IL3RA: variants seen among roughly 807,000 people sequenced by gnomAD.
IL3RA encodes interleukin 3 receptor subunit alpha.
Under a neutral mutation model 52.3 loss-of-function variants are expected in IL3RA, and 73 were observed. That is an observed-to-expected ratio of 1.40 (90% CI 1.16 to 1.70). The LOEUF (loss-of-function observed/expected upper bound fraction) is 1.70. Among genes scored for constraint, IL3RA ranks in the 40% most tolerant of loss-of-function variants. IL3RA has a pLI of 0.00. For missense variants in IL3RA, 664 were observed against 504.4 expected (o/e 1.32, Z -3.03); for synonymous variants, 260 against 194.0 (o/e 1.34, Z -2.83).
rs1304078700 is a variant in IL3RA, at chrX:1,356,329, T to C, written c.725T>C (p.Ile242Thr). The C allele has an allele frequency of 1.9e-6, 3 of 1,607,972 alleles. No homozygotes were observed. The highest frequency in any genetic ancestry group is 3.3e-5 in the Admixed American group (2 of 59,900). Reference protein sequence around the residue: ...FNRKFRYELQIQKRMQPVITE... With the variant: ...FNRKFRYELQTQKRMQPVITE... ...CGCAAATTTCGCTATGAGCTTCAGATACAAAAGGTAAACTTTCACCCCGCC... is the reference window on the plus strand; with the variant it reads ...CGCAAATTTCGCTATGAGCTTCAGACACAAAAGGTAAACTTTCACCCCGCC... Residue 242 changes from isoleucine (I) to threonine (T), a missense_variant, in exon 7 of 12, where the codon ATA becomes ACA. Ile to Thr is a moderately conservative substitution (Grantham distance 89). Coordinates refer to ENST00000331035, the MANE Select transcript of IL3RA (RefSeq NM_002183.4).
intron 6 of IL3RA, 91 bp downstream of exon 6, chrX:1,352,597 C>T: frequency 1.5e-6 from 2 of 1,326,096 alleles, no homozygotes; most frequent in Non-Finnish European, 1.0e-6. Context: ...ACGTGGCTCC[C>T]AACGCAGACG....
At chrX:1,367,570 T>TGA (rs1222490113) in intron 9 of IL3RA, among the ~76,000 whole-genome samples, 10 of 90,414 alleles carry the variant, frequency 1.1e-4, no homozygotes, top group East Asian at 3.7e-4. Flanking sequence ...GTGCGCCGGG[T>TGA]GCGCGGGGTG....
chrX:1,348,692 T>TTCTTTCTTTCTTTCTTTCTTTC (rs1401190803), intron 4 of IL3RA, 147 bp downstream of exon 4: 1 of 278,194 alleles, frequency 3.6e-6, no homozygotes, highest in Non-Finnish European at 7.0e-6. Flanking sequence ...CTTTCTTTCT[T>TTCTTTCTTTCTTTCTTTCTTTC]TTTCTTTCTT....
intron 2 of IL3RA, among the ~76,000 whole-genome samples, chrX:1,344,055 A>T (rs1344871500): frequency 6.6e-6 from 1 of 151,872 alleles, no homozygotes; most frequent in South Asian, 2.1e-4. Context: ...TGGCCTCCCA[A>T]AGTGCTGGGA....
chrX:1,341,539 C>T (rs1466872569), intron 1 of IL3RA, among the ~76,000 whole-genome samples, 189 bp from the exon 2 acceptor site: 5 of 31,910 alleles, frequency 1.6e-4, no homozygotes, highest in Admixed American at 1.3e-3. Flanking sequence ...TAGAAGCACA[C>T]TCTGATGTGC....
At chrX:1,344,889 G>A (rs2085663460) in intron 2 of IL3RA, among the ~76,000 whole-genome samples, 1 of 145,698 alleles carries the variant, frequency 6.9e-6, no homozygotes, top group Non-Finnish European at 1.5e-5. Flanking sequence ...TTGACCTGGT[G>A]CGGTGGCTCA....
chrX:1,358,784 A>C, intron 7 of IL3RA, 77 bp from the exon 8 acceptor site: 3 of 1,541,328 alleles, frequency 1.9e-6, no homozygotes, highest in Non-Finnish European at 2.7e-6. Context: ...TCCTGGAGGG[A>C]GAAATTTGAG....
chrX:1,355,692 G>A (rs1921883633), intron 6 of IL3RA, among the ~76,000 whole-genome samples: 1 of 151,974 alleles, frequency 6.6e-6, no homozygotes, highest in Non-Finnish European at 1.5e-5. Flanking sequence ...CAGGGGCCAG[G>A]AAGTGGAAGC....
chrX:1,357,011 G>A (rs6645231), intron 7 of IL3RA, among the ~76,000 whole-genome samples: 114,720 of 151,796 alleles, frequency 0.76, 44,150 homozygotes, highest in African/African-American at 0.87. Context: ...GAGTGCAGTG[G>A]CTTAAATCTT....
chrX:1,368,127 T>C (rs17884593), intron 9 of IL3RA, among the ~76,000 whole-genome samples: 2,695 of 152,106 alleles, frequency 0.018, 75 homozygotes, highest in African/African-American at 0.061. Context: ...GGCGTGGTGA[T>C]GGGCGCCTGT....
At chrX:1,364,775 G>A (rs1293307548) in intron 8 of IL3RA, among the ~76,000 whole-genome samples, 2 of 145,342 alleles carry the variant, frequency 1.4e-5, no homozygotes, top group African/African-American at 4.9e-5. Context: ...GTAGCACCCA[G>A]CCCCTCTTTT....
Position 1,382,627 on chromosome X carries a change from GGAA to G in IL3RA, c.*169_*171del, listed in dbSNP as rs766176581. 606 of 676,080 alleles carry G rather than the reference GGAA, an allele frequency of 9.0e-4. 6 individuals carry two copies. The East Asian group carries it at 0.012, about 13-fold the overall frequency. 41.9% of individuals were successfully genotyped at this position (676,080 alleles called of 1,614,324 possible). A position where few individuals can be genotyped will look rare whatever the true frequency, so the allele number is the denominator to read the frequency against. ...TGTGTAATTTCGTCCGAAGCTGCCA[GGAA>G]GAAGAACAGAACTTTGTGTGTTTAT... On this transcript the variant is annotated 3_prime_UTR_variant, in exon 12 of 12. Coordinates refer to ENST00000331035, the MANE Select transcript of IL3RA (RefSeq NM_002183.4).
intron 3 of IL3RA, 134 bp from the exon 4 acceptor site, chrX:1,348,297 G>A (rs182300657): frequency 2.2e-5 from 16 of 715,648 alleles, no homozygotes; most frequent in African/African-American, 3.5e-5. Flanking sequence ...AGGCTGCAGT[G>A]AGCCGAGATC....
intron 6 of IL3RA, among the ~76,000 whole-genome samples, chrX:1,353,301 C>T (rs2086253701): frequency 7.1e-6 from 1 of 140,526 alleles, no homozygotes; most frequent in Admixed American, 6.9e-5. Context: ...GACCCCCTAT[C>T]ATGGATTCCA....
intron 7 of IL3RA, among the ~76,000 whole-genome samples, chrX:1,358,109 GAA>G (rs1300082205): frequency 7.5e-6 from 1 of 133,030 alleles, no homozygotes; most frequent in African/African-American, 2.7e-5. Context: ...CGTCTCAGGA[GAA>G]AAAAAAAAAA....
intron 8 of IL3RA, among the ~76,000 whole-genome samples, chrX:1,360,476 G>C (rs1413384714): frequency 1.4e-5 from 2 of 140,392 alleles, no homozygotes; most frequent in Non-Finnish European, 3.1e-5. Flanking sequence ...CCCTCTCCCA[G>C]TCTCTCTGTA....
chrX:1,344,067 G>A (rs760965104), intron 2 of IL3RA, among the ~76,000 whole-genome samples: 7 of 151,992 alleles, frequency 4.6e-5, no homozygotes, highest in Non-Finnish European at 8.8e-5. Context: ...GTGCTGGGAT[G>A]ACGGGCGTGA....
rs373463982 is a variant in IL3RA, at chrX:1,349,269, G to C, written c.298+724G>C. Among the ~76,000 whole-genome samples the C allele has an allele frequency of 6.4e-4, 97 of 150,862 alleles. No homozygotes were observed. In the East Asian group the frequency reaches 0.015, roughly 24 times the overall value. Reference sequence around the variant, plus strand: ...CGATCTCGGCTCACTGCAACCTCTGGCTCCCGGGTTCAAGCGATTCTCCTG... The same window carrying C: ...CGATCTCGGCTCACTGCAACCTCTGCCTCCCGGGTTCAAGCGATTCTCCTG... On this transcript the variant is annotated intron_variant, in intron 4 of 11. Coordinates refer to ENST00000331035, the MANE Select transcript of IL3RA (RefSeq NM_002183.4).
chrX:1,352,643 G>A, intron 6 of IL3RA, 137 bp downstream of exon 6: 1 of 939,830 alleles, frequency 1.1e-6, no homozygotes, highest in Non-Finnish European at 1.6e-6. Context: ...GGACGTTGGA[G>A]GTCAGCGTGC....
Sources: allele counts gnomAD v4.1 joint callset (sites outside exome capture counted in the v4.1 genomes callset), GRCh38; gene constraint gnomAD v4.1.1; transcripts MANE v1.5; gene names NCBI Gene and HGNC (gene_info 2026-07-23, HGNC 2026-07-21).